NEB: variants seen among roughly 807,000 people sequenced by gnomAD.
The protein encoded by NEB is nebulin.
In NEB, 512 loss-of-function variants were observed where a neutral mutation model predicts 952.2. The observed-to-expected ratio is 0.54, with a 90% CI of 0.50 to 0.58. The LOEUF is 0.58. Ranked by LOEUF, NEB falls within the 20% of genes least tolerant of loss-of-function variation. The probability of loss-of-function intolerance (pLI) is 0.00; values close to 1 mark genes in which losing one functional copy is unlikely to be tolerated. For missense variants in NEB, 8,428 were observed against 9,231.1 expected (o/e 0.91, Z 3.56); for synonymous variants, 2,900 against 3,149.8 (o/e 0.92, Z 2.66).
intron 19 of NEB, 25 bp from the exon 20 acceptor site, chr2:151,694,461 A>G (rs1476806388): frequency 6.2e-7 from 1 of 1,612,906 alleles, no homozygotes; most frequent in Admixed American, 1.7e-5. Flanking sequence ...CACATGCCAG[A>G]TTCCACTCAA....
chr2:151,645,796 C>T (rs1177807268), intron 55 of NEB, among the ~76,000 whole-genome samples: 3 of 152,066 alleles, frequency 2.0e-5, no homozygotes, highest in African/African-American at 4.8e-5. Flanking sequence ...GTGTCAGGCA[C>T]GATTCTAGAT....
Position 151,724,972 on chromosome 2 carries a change from A to G in NEB, c.403-11T>C. On this transcript the variant is annotated splice_polypyrimidine_tract_variant and intron_variant, in intron 6 of 181. Coordinates refer to ENST00000397345, the MANE Select transcript of NEB (RefSeq NM_001164508.2). ...CATTCGATACTTAACCTGCCCAAATAATGCACAGTTAGAGTTCATGACAGG... is the reference window on the plus strand; with the variant it reads ...CATTCGATACTTAACCTGCCCAAATGATGCACAGTTAGAGTTCATGACAGG... The G allele has an allele frequency of 1.2e-6, 2 of 1,603,466 alleles. No homozygotes were observed. Among genetic ancestry groups the G allele is most frequent in the Non-Finnish European group, 1.7e-6 (2 of 1,170,722 alleles).
At position 151,490,397 on chromosome 2, in the gene NEB, G is replaced by A. The variant is rs772073084; in HGVS notation, c.25272C>T (p.Asp8424=). ...CTGTTGAGACTGCAAAGACACCCCC[G>A]TCGCTGTAAGTCGAAAGGTGGTGGT... is the stretch of plus-strand genomic sequence containing the variant. The part of the protein sequence containing the change: ...APDHHLSTYS[D]GGVFAVSTAY... Residue 8424 remains aspartate, a synonymous_variant, in exon 180 of 182, where the codon GAC becomes GAT. Transcript: ENST00000397345. The A allele has an allele frequency of 7.5e-6, 12 of 1,591,630 alleles. No homozygotes were observed. The highest frequency in any genetic ancestry group is 1.3e-5 in the African/African-American group (1 of 74,394).
At chr2:151,688,668 T>C (rs781145733) in intron 24 of NEB, among the ~76,000 whole-genome samples, 14 of 152,148 alleles carry the variant, frequency 9.2e-5, no homozygotes, top group Non-Finnish European at 1.8e-4. Flanking sequence ...CCATGTTCTT[T>C]CCTATACATA....
intron 181 of NEB, among the ~76,000 whole-genome samples, chr2:151,488,588 G>T (rs2053252063): frequency 6.6e-6 from 1 of 152,050 alleles, no homozygotes; most frequent in Admixed American, 6.6e-5. Context: ...CGAGACTGCA[G>T]CGAGCTGTGA....
chr2:151,568,356 A>C lies in NEB; in HGVS notation c.17696T>G (p.Leu5899Arg), dbSNP rs1294474698. ...KSKYTLTETP[L>R]LHTAQEAARI... Reference sequence around the variant, plus strand: ...AGCAGCCTCCTGGGCAGTGTGCAGCAGGGGGGTTTCTGTGAGGGTGTACTT... The same window carrying C: ...AGCAGCCTCCTGGGCAGTGTGCAGCCGGGGGGTTTCTGTGAGGGTGTACTT... The change falls in exon 112 of 182, where the codon CTG becomes CGG. Residue 5899 changes from leucine to arginine, a missense_variant. Transcript: ENST00000397345. The C allele has an allele frequency of 1.9e-6, 3 of 1,613,168 alleles. No individual in the cohort carries two copies. The highest frequency in any genetic ancestry group is 2.5e-6 in the Non-Finnish European group (3 of 1,179,746).
chr2:151,634,039 G>T, intron 64 of NEB, 74 bp from the exon 65 acceptor site: 1 of 1,479,212 alleles, frequency 6.8e-7, no homozygotes, highest in Admixed American at 2.0e-5. Flanking sequence ...AAATCAACTT[G>T]CTTACATCAT....
In NEB at chr2:151,613,030, A is replaced by T. The variant is rs75003522; in HGVS notation, c.11602-641T>A. ...GAATATAAACAACTGGTTGAAGGAA[A>T]ATTTTTCTTGTAAGGAAGGGTAACA... is the stretch of plus-strand genomic sequence containing the variant. On this transcript the variant is annotated intron_variant, in intron 77 of 181. Coordinates refer to ENST00000397345, the MANE Select transcript of NEB (RefSeq NM_001164508.2). Among the ~76,000 whole-genome samples, 489 of 152,228 alleles carry T rather than the reference A, an allele frequency of 3.2e-3. 1 individual carries two copies. Among genetic ancestry groups the T allele is most frequent in the African/African-American group, 0.011 (465 of 41,534 alleles).
chr2:151,554,725 C>T (rs192420192), intron 125 of NEB, among the ~76,000 whole-genome samples: 1 of 152,260 alleles, frequency 6.6e-6, no homozygotes, highest in South Asian at 2.1e-4. Flanking sequence ...TTTAGATACA[C>T]AAATACTTGC....
chr2:151,650,070 G>C, intron 54 of NEB, 106 bp downstream of exon 54: 1 of 1,000,628 alleles, frequency 1.0e-6, no homozygotes. Context: ...ATGTGGTGAT[G>C]TATGAGGCAA....
intron 70 of NEB, among the ~76,000 whole-genome samples, chr2:151,626,116 T>A (rs2098519040): frequency 7.0e-6 from 1 of 142,770 alleles, no homozygotes; most frequent in African/African-American, 2.7e-5. Context: ...GCATCTTTCT[T>A]TTTTTTTTTT....
chr2:151,716,043 T>A, intron 10 of NEB: 1 of 335,600 alleles, frequency 3.0e-6, no homozygotes, highest in South Asian at 2.5e-5. Context: ...TCTTTCTAAA[T>A]GACCACTTGA....
intron 38 of NEB, 41 bp downstream of exon 38, chr2:151,670,982 G>C: frequency 6.4e-7 from 1 of 1,567,662 alleles, no homozygotes; most frequent in Non-Finnish European, 8.8e-7. Context: ...AGACACGTGT[G>C]GTTATTTACG....
intron 66 of NEB, 148 bp from the exon 67 acceptor site, chr2:151,630,967 T>A: frequency 8.6e-7 from 1 of 1,168,836 alleles, no homozygotes. Flanking sequence ...GTCTTATTAC[T>A]AGTTATCAAG....
At chr2:151,606,832 T>C (rs1056491982) in intron 83 of NEB, 119 bp from the exon 84 acceptor site, 2 of 340,096 alleles carry the variant, frequency 5.9e-6, no homozygotes, top group African/African-American at 4.4e-5. Context: ...GAAAAAAGCA[T>C]TCATTTCTGG....
At chr2:151,521,109 T>C (rs1412580768) in intron 153 of NEB, among the ~76,000 whole-genome samples, 1 of 152,118 alleles carries the variant, frequency 6.6e-6, no homozygotes, top group Non-Finnish European at 1.5e-5. Flanking sequence ...ATTGTTAAGA[T>C]GAAAGACTCA....
chr2:151,710,737 T>C (rs993615847), intron 10 of NEB, among the ~76,000 whole-genome samples, 199 bp from the exon 11 acceptor site: 2 of 152,202 alleles, frequency 1.3e-5, no homozygotes, highest in South Asian at 2.1e-4. Context: ...GGATAGAGAA[T>C]GGAGAAAGAG....
intron 15 of NEB, 45 bp from the exon 16 acceptor site, chr2:151,697,297 A>G (rs774303424): frequency 2.4e-5 from 38 of 1,608,872 alleles, no homozygotes; most frequent in Non-Finnish European, 3.1e-5. Context: ...CATTGTATTC[A>G]TGCCCTGAGA....
chr2:151,668,451 T>C (rs2099247187), intron 39 of NEB, among the ~76,000 whole-genome samples: 1 of 152,144 alleles, frequency 6.6e-6, no homozygotes. Flanking sequence ...CCTAAAAACA[T>C]TGGAAAGAAT....
Sources: gnomAD v4.1 joint callset for allele counts (sites outside exome capture counted in the v4.1 genomes callset) on GRCh38, gnomAD v4.1.1 for gene constraint, MANE v1.5 for transcripts, NCBI Gene and HGNC (gene_info 2026-07-23, HGNC 2026-07-21) for gene names.